ZNF385D: variants seen among roughly 807,000 people sequenced by gnomAD.
ZNF385D encodes zinc finger protein 659.
In ZNF385D, 15 loss-of-function variants were observed where a neutral mutation model predicts 35.8. The ratio of observed to expected loss-of-function variants is 0.42; its 90% confidence interval spans 0.28 to 0.64. The LOEUF is 0.64. ZNF385D is among the 30% of genes least tolerant of loss of function. The probability of loss-of-function intolerance (pLI) is 0.23; values close to 1 mark genes in which losing one functional copy is unlikely to be tolerated. For missense variants in ZNF385D, 474 were observed against 494.6 expected (o/e 0.96, Z 0.39); for synonymous variants, 212 against 186.8 (o/e 1.13, Z -1.10).
rs61269959 is a variant in ZNF385D at position 21,938,171 on chromosome 3, C to T, written c.325+230646G>A. 2.5e-3 allele frequency among the ~76,000 whole-genome samples: 378 copies of T among 152,196 alleles called. 1 individual carries two copies. Among genetic ancestry groups the T allele is most frequent in the African/African-American group, 8.7e-3 (360 of 41,532 alleles). On this transcript the variant is annotated intron_variant, in intron 3 of 5. Transcript: ENST00000494108. ...CACCAAACTAGGATTTGTAAATGTA[C>T]CCATTTTAGTCGGATAATTTGTTCT...
chr3:21,885,817 C>T (rs1428176460), intron 3 of ZNF385D, among the ~76,000 whole-genome samples: 2 of 150,976 alleles, frequency 1.3e-5, no homozygotes, highest in African/African-American at 4.9e-5. Context: ...GAAATTGGCT[C>T]ACACAACTGT....
intron 3 of ZNF385D, among the ~76,000 whole-genome samples, chr3:22,096,538 C>T (rs548178788): frequency 1.8e-4 from 27 of 152,080 alleles, no homozygotes; most frequent in Non-Finnish European, 2.5e-4. Flanking sequence ...AAATGCTTTA[C>T]GAATACTTGA....
At chr3:21,937,101 CAAGA>C (rs1701299092) in intron 3 of ZNF385D, among the ~76,000 whole-genome samples, 2 of 151,104 alleles carry the variant, frequency 1.3e-5, no homozygotes, top group Admixed American at 1.3e-4. Context: ...TGGAGTGCTG[CAAGA>C]AAGAAAAAAA....
At chr3:22,047,764 G>C (rs373594024) in intron 3 of ZNF385D, among the ~76,000 whole-genome samples, 1 of 152,122 alleles carries the variant, frequency 6.6e-6, no homozygotes, top group African/African-American at 2.4e-5. Context: ...TGTATACCCA[G>C]AAGTGGGATT....
At chr3:21,459,151 T>G (rs1047041402) in intron 4 of ZNF385D, among the ~76,000 whole-genome samples, 1 of 152,176 alleles carries the variant, frequency 6.6e-6, no homozygotes, top group Admixed American at 6.5e-5. Context: ...AGGAGACAGC[T>G]GCTGTGCTAT....
chr3:22,008,147 T>A (rs1162110530), intron 3 of ZNF385D, among the ~76,000 whole-genome samples: 2 of 152,116 alleles, frequency 1.3e-5, no homozygotes. Context: ...TTTATTTAGA[T>A]GGGTGTTGGA....
rs1243190614 is a variant in ZNF385D, at chr3:21,418,312, C to T, written c.*2902G>A. 1.3e-5 allele frequency: 2 copies of T among 152,040 alleles called. No individual in the cohort carries two copies. Among genetic ancestry groups the T allele is most frequent in the East Asian group, 3.9e-4 (2 of 5,186 alleles). 9.4% of individuals were successfully genotyped at this position (152,040 alleles called of 1,614,324 possible). ...GATCTTTATTCATGAAAAAAGTTCC[C>T]TAAGGGAAAAGATACAGTTTTATGG... On this transcript the variant is annotated 3_prime_UTR_variant, in exon 8 of 8. Coordinates refer to ENST00000281523, the MANE Select transcript of ZNF385D (RefSeq NM_024697.3).
chr3:21,789,229 G>A (rs910991782), intron 3 of ZNF385D, among the ~76,000 whole-genome samples: 3 of 152,164 alleles, frequency 2.0e-5, no homozygotes, highest in Non-Finnish European at 2.9e-5. Context: ...TTGGAGAATG[G>A]GGGAGGGTAT....
intron 2 of ZNF385D, among the ~76,000 whole-genome samples, chr3:21,636,697 A>G (rs2125848589): frequency 6.6e-6 from 1 of 151,688 alleles, no homozygotes; most frequent in Middle Eastern, 3.4e-3. Context: ...TTCCCAGCCC[A>G]CTGACTCAAA....
At chr3:22,198,539 T>C (rs1696573512) in intron 2 of ZNF385D, among the ~76,000 whole-genome samples, 1 of 152,110 alleles carries the variant, frequency 6.6e-6, no homozygotes, top group Non-Finnish European at 1.5e-5. Flanking sequence ...TATTGAATTG[T>C]AGGTATTTGT....
chr3:21,528,709 C>T (rs2061846940), intron 3 of ZNF385D, among the ~76,000 whole-genome samples: 1 of 152,130 alleles, frequency 6.6e-6, no homozygotes, highest in African/African-American at 2.4e-5. Context: ...CACTATGCAT[C>T]TTTTGATTGA....
At chr3:21,617,414 C>T (rs1559463315) in intron 2 of ZNF385D, among the ~76,000 whole-genome samples, 1 of 152,124 alleles carries the variant, frequency 6.6e-6, no homozygotes, top group Non-Finnish European at 1.5e-5. Context: ...GGACCTCCTG[C>T]GTTTATCTGT....
chr3:22,103,435 C>A (rs1702044400), intron 3 of ZNF385D, among the ~76,000 whole-genome samples: 1 of 152,066 alleles, frequency 6.6e-6, no homozygotes, highest in African/African-American at 2.4e-5. Context: ...CTCCATGCTA[C>A]CCCAGGATGC....
chr3:22,030,058 A>T (rs1006303911), intron 3 of ZNF385D, among the ~76,000 whole-genome samples: 6 of 151,260 alleles, frequency 4.0e-5, no homozygotes, highest in Admixed American at 3.3e-4. Context: ...AAGCATGCAG[A>T]AAAAAACATG....
chr3:21,422,246 G>T (rs1057324951), intron 7 of ZNF385D, among the ~76,000 whole-genome samples: 1 of 152,220 alleles, frequency 6.6e-6, no homozygotes, highest in Non-Finnish European at 1.5e-5. Context: ...CATCTGTGCT[G>T]GACAGAGATA....
intron 4 of ZNF385D, among the ~76,000 whole-genome samples, chr3:21,503,167 G>A (rs996679885): frequency 6.6e-6 from 1 of 152,108 alleles, no homozygotes; most frequent in Non-Finnish European, 1.5e-5. Context: ...AAGAAAATAT[G>A]CATCACTGAT....
chr3:22,160,294 C>A (rs1312174151), intron 3 of ZNF385D, among the ~76,000 whole-genome samples: 1 of 151,932 alleles, frequency 6.6e-6, no homozygotes, highest in Non-Finnish European at 1.5e-5. Flanking sequence ...TAAAATTATG[C>A]CAAAAGAGAT....
chr3:21,602,698 A>G (rs1264200919), intron 2 of ZNF385D, among the ~76,000 whole-genome samples: 3 of 146,166 alleles, frequency 2.1e-5, no homozygotes, highest in East Asian at 4.0e-4. Flanking sequence ...GCGCCCGGCT[A>G]ATTTTTTTGT....
rs73820161 is a variant in ZNF385D at position 21,855,913 on chromosome 3, G to C, written c.326-190885C>G. Reference sequence around the variant, plus strand: ...CTTGCTGAGGTTTTTAGAGGTGGTAGCTAATAACAACATGCTGCCACCAAA... The same window carrying C: ...CTTGCTGAGGTTTTTAGAGGTGGTACCTAATAACAACATGCTGCCACCAAA... On this transcript the variant is annotated intron_variant, in intron 3 of 5. Transcript: ENST00000494108. Among the ~76,000 whole-genome samples, 683 of 151,980 alleles carry C rather than the reference G, an allele frequency of 4.5e-3. 5 individuals are homozygous for C. Among genetic ancestry groups the C allele is most frequent in the African/African-American group, 0.015 (631 of 41,502 alleles).
Sources: allele counts gnomAD v4.1 joint callset (sites outside exome capture counted in the v4.1 genomes callset), GRCh38; gene constraint gnomAD v4.1.1; transcripts MANE v1.5; gene names NCBI Gene and HGNC (gene_info 2026-07-23, HGNC 2026-07-21).